RORA: variants seen among roughly 807,000 people sequenced by gnomAD.
RORA encodes the protein RAR related orphan receptor A.
RORA carries 7 observed loss-of-function variants against 69.5 expected under a neutral mutation model. That is an observed-to-expected ratio of 0.10 (90% CI 0.06 to 0.19). RORA has a LOEUF of 0.19. Ranked by LOEUF, RORA falls within the 10% of genes least tolerant of loss-of-function variation. The probability of loss-of-function intolerance (pLI) is 1.00; values close to 1 mark genes in which losing one functional copy is unlikely to be tolerated. For synonymous variants in RORA, 261 were observed against 240.8 expected (o/e 1.08, Z -0.78); for missense variants, 457 against 663.0 (o/e 0.69, Z 3.41).
At chr15:60,671,169 T>C (rs1211600768) in intron 2 of RORA, among the ~76,000 whole-genome samples, 1 of 150,336 alleles carries the variant, frequency 6.7e-6, no homozygotes, top group East Asian at 1.9e-4. Context: ...AACCACTGTG[T>C]CCGGAATCAT....
intron 1 of RORA, among the ~76,000 whole-genome samples, chr15:61,085,966 T>G (rs532927783): frequency 1.3e-5 from 2 of 152,212 alleles, no homozygotes; most frequent in African/African-American, 4.8e-5. Flanking sequence ...CTTGCCTAGG[T>G]TGCTATGCTG....
chr15:60,991,746 A>AAACAAAC (rs1342254747), intron 1 of RORA, among the ~76,000 whole-genome samples: 1 of 151,836 alleles, frequency 6.6e-6, no homozygotes. Context: ...AAAAAACAAA[A>AAACAAAC]AACAAACAAA....
intron 2 of RORA, among the ~76,000 whole-genome samples, chr15:60,586,809 T>C (rs2068348336): frequency 6.6e-6 from 1 of 152,176 alleles, no homozygotes; most frequent in Non-Finnish European, 1.5e-5. Context: ...AATCCTTATT[T>C]GCTTTCAGAC....
chr15:60,622,111 A>G (rs1199834183), intron 2 of RORA, among the ~76,000 whole-genome samples: 1 of 151,976 alleles, frequency 6.6e-6, no homozygotes, highest in East Asian at 1.9e-4. Context: ...TACTCCCTCT[A>G]TAATAGTATA....
intron 1 of RORA, among the ~76,000 whole-genome samples, chr15:60,793,830 C>T (rs959594492): frequency 6.6e-6 from 1 of 152,262 alleles, no homozygotes; most frequent in South Asian, 2.1e-4. Flanking sequence ...TGGGAGGCTG[C>T]CCTGGGGTAG....
intron 1 of RORA, among the ~76,000 whole-genome samples, chr15:60,993,738 A>G (rs1894452050): frequency 6.6e-6 from 1 of 151,774 alleles, no homozygotes; most frequent in African/African-American, 2.4e-5. Context: ...TCATTCAACC[A>G]GTCCAACTCC....
At chr15:60,961,312 T>G (rs547204295) in intron 1 of RORA, among the ~76,000 whole-genome samples, 1 of 152,200 alleles carries the variant, frequency 6.6e-6, no homozygotes, top group Admixed American at 6.5e-5. Context: ...AGGTACATCA[T>G]GCACAACAGA....
Position 60,511,221 on chromosome 15 carries a change from A to G in RORA, c.820+5T>C. 6.2e-7 allele frequency: 1 copy of G among 1,608,268 alleles called. No homozygotes were observed. The highest frequency in any genetic ancestry group is 8.5e-7 in the Non-Finnish European group (1 of 1,176,986). On this transcript the variant is annotated splice_donor_5th_base_variant and intron_variant, in intron 5 of 10. Transcript: ENST00000335670. This position sits in a 1 kb window ranked among gnomAD's most constrained non-coding sequence, Gnocchi z 6.4. ...GCATCCCAGGAGAAGCATGCATGCC[A>G]TTACCTAATTCTGCCATGGACACAG...
At chr15:60,931,657 A>C (rs1892376019) in intron 1 of RORA, among the ~76,000 whole-genome samples, 1 of 152,254 alleles carries the variant, frequency 6.6e-6, no homozygotes, top group Non-Finnish European at 1.5e-5. Context: ...TGGCACACAC[A>C]GAGTTCTACA....
Position 60,994,132 on chromosome 15 carries a change from G to T in RORA, c.166+234921C>A, listed in dbSNP as rs146094989. ...TGGACAAACAGGTTTATCTCTGAAA[G>T]CTACCTCAGATAAACAGAGGTCACT... is the stretch of plus-strand genomic sequence containing the variant. On this transcript the variant is annotated intron_variant, in intron 1 of 10. Transcript: ENST00000335670. 4.3e-3 allele frequency among the ~76,000 whole-genome samples: 648 copies of T among 152,262 alleles called. 9 individuals are homozygous for T. Among genetic ancestry groups the T allele is most frequent in the African/African-American group, 0.015 (619 of 41,558 alleles).
rs143422948 is a variant in RORA, at chr15:61,104,951, G to A, written c.166+124102C>T. 1.9e-3 allele frequency among the ~76,000 whole-genome samples: 281 copies of A among 151,864 alleles called. 7 individuals are homozygous for A. In the East Asian group the frequency reaches 0.052, roughly 28 times the overall value. On this transcript the variant is annotated intron_variant, in intron 1 of 10. Transcript: ENST00000335670. ...TGGTCCTCACTCTCTCTTGTCTGCT[G>A]CCATGTAAGATGTGCCTTTCGTTTT...
chr15:60,810,457 C>T (rs1267059035), intron 1 of RORA, among the ~76,000 whole-genome samples: 3 of 114,928 alleles, frequency 2.6e-5, no homozygotes, highest in Non-Finnish European at 5.9e-5. Flanking sequence ...ACCCCTTACA[C>T]TGGGCATTTG....
At chr15:61,185,437 T>C (rs1263395785) in intron 1 of RORA, among the ~76,000 whole-genome samples, 1 of 152,092 alleles carries the variant, frequency 6.6e-6, no homozygotes, top group African/African-American at 2.4e-5. Flanking sequence ...CCCAGAATGT[T>C]CTCATCAGAA....
intron 1 of RORA, among the ~76,000 whole-genome samples, chr15:60,755,981 G>T (rs1450816890): frequency 6.6e-6 from 1 of 152,146 alleles, no homozygotes; most frequent in Non-Finnish European, 1.5e-5. Context: ...CTGGTACAGG[G>T]GATGTAGCAG....
At chr15:60,824,034 A>C (rs1262620131) in intron 1 of RORA, among the ~76,000 whole-genome samples, 1 of 152,218 alleles carries the variant, frequency 6.6e-6, no homozygotes, top group African/African-American at 2.4e-5. Context: ...GGATAACATA[A>C]GTTAATAAGT....
chr15:60,538,888 C>T (rs2066765261), intron 2 of RORA, among the ~76,000 whole-genome samples: 1 of 151,996 alleles, frequency 6.6e-6, no homozygotes, highest in Admixed American at 6.6e-5. Context: ...CTGCATCTTA[C>T]TAAACAAGCC....
intron 1 of RORA, among the ~76,000 whole-genome samples, chr15:60,977,223 T>A (rs2140356854): frequency 6.6e-6 from 1 of 152,162 alleles, no homozygotes; most frequent in Admixed American, 6.5e-5. Context: ...TATATTTAGT[T>A]TGAGGTACTG....
At chr15:60,683,740 G>T (rs75027965) in intron 1 of RORA, among the ~76,000 whole-genome samples, 1 of 151,746 alleles carries the variant, frequency 6.6e-6, no homozygotes, top group Non-Finnish European at 1.5e-5. Flanking sequence ...CAATATGACA[G>T]AAGTTTTAAA....
chr15:61,037,209 C>G (rs1007236811), intron 1 of RORA, among the ~76,000 whole-genome samples: 7 of 152,170 alleles, frequency 4.6e-5, no homozygotes, highest in Non-Finnish European at 1.0e-4. Flanking sequence ...GTACTTAGTA[C>G]TGTGCCAGAC....
Sources: allele counts gnomAD v4.1 joint callset (sites outside exome capture counted in the v4.1 genomes callset), GRCh38; gene constraint gnomAD v4.1.1; non-coding constraint Gnocchi (gnomAD v3.1); transcripts MANE v1.5; gene names NCBI Gene and HGNC (gene_info 2026-07-23, HGNC 2026-07-21).